FGGY: variants seen among roughly 807,000 people sequenced by gnomAD.
The protein encoded by FGGY is FGGY carbohydrate kinase domain-containing protein.
Under a neutral mutation model 71.3 loss-of-function variants are expected in FGGY, and 72 were observed. That is an observed-to-expected ratio of 1.01 (90% CI 0.84 to 1.23). The LOEUF (loss-of-function observed/expected upper bound fraction) is 1.23, where lower values mean the gene tolerates loss of function less well. Ranked by LOEUF, FGGY falls within the 50% of genes most tolerant of loss-of-function variation. The probability of loss-of-function intolerance (pLI) is 0.00; values close to 1 mark genes in which losing one functional copy is unlikely to be tolerated. For synonymous variants in FGGY, 251 were observed against 250.3 expected, an observed-to-expected ratio of 1.00 and a Z score of -0.02; for missense variants, 668 against 682.3, an observed-to-expected ratio of 0.98 and a Z score of 0.23.
At chr1:59,441,097 T>A (rs1023857614) in intron 5 of FGGY, among the ~76,000 whole-genome samples, 1 of 152,172 alleles carries the variant, frequency 6.6e-6, no homozygotes, top group African/African-American at 2.4e-5. Flanking sequence ...TGTACCCACA[T>A]TTAAAACTTT....
At chr1:59,480,418 A>C (rs1489208699) in intron 6 of FGGY, among the ~76,000 whole-genome samples, 1 of 152,172 alleles carries the variant, frequency 6.6e-6, no homozygotes, top group Non-Finnish European at 1.5e-5. Context: ...ACAAGGACAA[A>C]GGGCAAAAGT....
chr1:59,688,305 G>A (rs2153998586), intron 14 of FGGY, among the ~76,000 whole-genome samples: 1 of 152,350 alleles, frequency 6.6e-6, no homozygotes, highest in Admixed American at 6.5e-5. Context: ...GGCTCAGAGA[G>A]GGCAAGTGAT....
intron 5 of FGGY, among the ~76,000 whole-genome samples, chr1:59,449,426 C>T (rs12060527): frequency 0.087 from 13,222 of 152,062 alleles, 631 homozygotes; most frequent in Non-Finnish European, 0.096. Context: ...TGATTACAGG[C>T]GCACACCACC....
intron 11 of FGGY, among the ~76,000 whole-genome samples, chr1:59,659,405 A>C (rs756575509): frequency 2.0e-4 from 30 of 152,234 alleles, no homozygotes; most frequent in Non-Finnish European, 3.8e-4. Context: ...GGTTGAGCTC[A>C]GGACAACACA....
At chr1:59,342,781 C>G (rs1028614386) in intron 3 of FGGY, among the ~76,000 whole-genome samples, 30 of 152,126 alleles carry the variant, frequency 2.0e-4, no homozygotes, top group African/African-American at 7.0e-4. Context: ...TGCAGATAAC[C>G]TAAAACCAAA....
chr1:59,643,970 T>C (rs1280931846), intron 11 of FGGY, among the ~76,000 whole-genome samples: 1 of 152,198 alleles, frequency 6.6e-6, no homozygotes, highest in Non-Finnish European at 1.5e-5. Flanking sequence ...TGGAGGACTA[T>C]TAAGAAAGGG....
At chr1:59,741,032 C>CAGTT (rs150589779) in intron 14 of FGGY, among the ~76,000 whole-genome samples, 12,097 of 152,228 alleles carry the variant, frequency 0.079, 523 homozygotes, top group African/African-American at 0.13. Flanking sequence ...TTAAATTCAC[C>CAGTT]AGTTCACTTA....
At chr1:59,653,759 G>A (rs984295528) in intron 11 of FGGY, among the ~76,000 whole-genome samples, 5 of 152,176 alleles carry the variant, frequency 3.3e-5, no homozygotes, top group South Asian at 2.1e-4. Flanking sequence ...GTTCCTATTC[G>A]GCCATCTTGG....
At chr1:59,752,609 C>T (rs1042466156) in intron 14 of FGGY, among the ~76,000 whole-genome samples, 2 of 152,188 alleles carry the variant, frequency 1.3e-5, no homozygotes, top group Non-Finnish European at 2.9e-5. Context: ...ACTGAAGAAC[C>T]CATGGCTTCC....
chr1:59,357,819 G>A (rs2054625858), intron 4 of FGGY, among the ~76,000 whole-genome samples: 1 of 152,200 alleles, frequency 6.6e-6, no homozygotes, highest in Admixed American at 6.5e-5. Context: ...TGACTGTAGT[G>A]CTGAAGACCA....
At chr1:59,310,231 G>C (rs1467150827) in intron 1 of FGGY, 2 of 152,178 alleles carry the variant, frequency 1.3e-5, no homozygotes, top group Admixed American at 6.5e-5. Context: ...AAAAACTGTG[G>C]ATTTCGGCCA....
chr1:59,608,649 A>T (rs961826161), intron 9 of FGGY, among the ~76,000 whole-genome samples: 1 of 152,156 alleles, frequency 6.6e-6, no homozygotes, highest in Non-Finnish European at 1.5e-5. Context: ...CCTGACCAAC[A>T]TGGTGAAACC....
chr1:59,585,397 C>A (rs1035802702), intron 8 of FGGY, among the ~76,000 whole-genome samples: 10 of 152,162 alleles, frequency 6.6e-5, no homozygotes, highest in Non-Finnish European at 1.3e-4. Context: ...TTTGACAAAC[C>A]TGACAGAAAC....
chr1:59,504,770 T>C (rs2094333967), intron 6 of FGGY, among the ~76,000 whole-genome samples: 1 of 152,216 alleles, frequency 6.6e-6, no homozygotes, highest in Non-Finnish European at 1.5e-5. Flanking sequence ...TTAAACTTAA[T>C]ACAGTCTCTC....
intron 8 of FGGY, among the ~76,000 whole-genome samples, chr1:59,600,666 T>A (rs72919610): frequency 0.075 from 11,348 of 152,242 alleles, 732 homozygotes; most frequent in African/African-American, 0.18. Flanking sequence ...GAGCATACTG[T>A]GTCCTAGGAT....
chr1:59,644,090 T>C (rs1334665464), intron 11 of FGGY, among the ~76,000 whole-genome samples: 1 of 152,186 alleles, frequency 6.6e-6, no homozygotes, highest in African/African-American at 2.4e-5. Context: ...CTCCCACTTT[T>C]ACCCTAACCA....
intron 5 of FGGY, among the ~76,000 whole-genome samples, chr1:59,387,459 AT>A (rs2060205368): frequency 6.6e-6 from 1 of 151,960 alleles, no homozygotes; most frequent in African/African-American, 2.4e-5. Context: ...TCAACCACTT[AT>A]TTATGTATGT....
chr1:59,636,170 G>A (rs35171707), intron 10 of FGGY, among the ~76,000 whole-genome samples: 5,714 of 152,170 alleles, frequency 0.038, 140 homozygotes, highest in South Asian at 0.095. Context: ...TAGGGCGGTT[G>A]GGCTGCCCTC....
At chr1:59,546,523 GATGATGATGATGATT>G (rs1354725292) in intron 7 of FGGY, among the ~76,000 whole-genome samples, 3 of 74,364 alleles carry the variant, frequency 4.0e-5, no homozygotes, top group African/African-American at 2.0e-4. Flanking sequence ...TGATGATGAT[GATGATGATGATGATT>G]ATTATTATTA....
Sources: allele counts gnomAD v4.1 joint callset (sites outside exome capture counted in the v4.1 genomes callset), GRCh38; gene constraint gnomAD v4.1.1; transcripts MANE v1.5; gene names NCBI Gene and HGNC (gene_info 2026-07-23, HGNC 2026-07-21).